The following BRSK2 variants were observed in gnomAD, a reference collection of about 807,000 sequenced individuals.
BRSK2 encodes serine/threonine-protein kinase BRSK2.
In BRSK2, 19 loss-of-function variants were observed where a neutral mutation model predicts 83.3. The ratio of observed to expected loss-of-function variants is 0.23; its 90% CI spans 0.16 to 0.33. The LOEUF is 0.33. Ranked by LOEUF, BRSK2 falls within the 10% of genes least tolerant of loss-of-function variation. The pLI is 1.00. For synonymous variants in BRSK2, 519 were observed against 435.4 expected, an observed-to-expected ratio of 1.19 and a Z score of -2.39; for missense variants, 798 against 1,042.3, an observed-to-expected ratio of 0.77 and a Z score of 3.23.
intron 1 of BRSK2, among the ~76,000 whole-genome samples, chr11:1,426,411 A>G (rs193002093): frequency 6.6e-6 from 1 of 152,196 alleles, no homozygotes; most frequent in Non-Finnish European, 1.5e-5. Flanking sequence ...AGAGGCTTGA[A>G]CTGTCACTTT....
Position 1,436,133 on chromosome 11 carries a change from A to T in BRSK2, c.185A>T (p.Lys62Met). The part of the protein sequence containing the change: ...REKLSESVLM[K>M]VEREIAILKL... ...AAGCTCAGCGAGTCGGTGCTGATGA[A>T]GGTGGGTGGGGCCGGGGAGGGAGGC... is the stretch of plus-strand genomic sequence containing the variant. Residue 62 changes from lysine (K) to methionine (M), a missense_variant and splice_region_variant, in exon 2 of 20, where the codon AAG becomes ATG. By Grantham distance (95) the Lys-to-Met change is moderately conservative (BLOSUM62 -1). Coordinates refer to ENST00000528841, the MANE Select transcript of BRSK2 (RefSeq NM_001256627.2). 1.3e-6 allele frequency: 1 copy of T among 786,258 alleles called. No homozygotes were observed. The highest frequency in any genetic ancestry group is 1.6e-6 in the Non-Finnish European group (1 of 615,866). The allele number at this position is 786,258 out of a possible 1,614,324, so 48.7% of individuals were successfully genotyped here. A position where few individuals can be genotyped will look rare whatever the true frequency, so the allele number is the denominator to read the frequency against.
In BRSK2 at chr11:1,433,529, G is replaced by A. The variant is rs564496270; in HGVS notation, c.92-2511G>A. Among the ~76,000 whole-genome samples, 279 of 152,374 alleles carry A rather than the reference G, an allele frequency of 1.8e-3. 1 individual carries two copies. The highest frequency in any genetic ancestry group is 3.7e-3 in the Admixed American group (57 of 15,308). On this transcript the variant is annotated intron_variant, in intron 1 of 19. Coordinates refer to ENST00000528841, the MANE Select transcript of BRSK2 (RefSeq NM_001256627.2). ...CCTTCGGACCAGAGGCTTTTGTCAC[G>A]GACCACGCCTTAGCCTTGCAGCCAG...
chr11:1,444,032 G>C (rs1053832688), intron 8 of BRSK2, among the ~76,000 whole-genome samples: 2 of 152,098 alleles, frequency 1.3e-5, no homozygotes, highest in Admixed American at 6.5e-5. Context: ...GCATGTGCAC[G>C]TGTGGGGAGG....
At chr11:1,409,134 C>G (rs766173495) in intron 1 of BRSK2, among the ~76,000 whole-genome samples, 3 of 152,300 alleles carry the variant, frequency 2.0e-5, no homozygotes, top group Non-Finnish European at 4.4e-5. Context: ...GAGGCATGGG[C>G]CTGGCTTTCC....
At chr11:1,459,458 C>T (rs1337534275) in intron 19 of BRSK2, 8 of 587,842 alleles carry the variant, frequency 1.4e-5, no homozygotes, top group Middle Eastern at 4.5e-4. Context: ...GCCAGACTCA[C>T]CTCTGCCAGG....
At chr11:1,417,039 A>G (rs939417812) in intron 1 of BRSK2, among the ~76,000 whole-genome samples, 1 of 152,124 alleles carries the variant, frequency 6.6e-6, no homozygotes, top group African/African-American at 2.4e-5. Context: ...GGCACCTGTA[A>G]TCCCAGCCAC....
At chr11:1,401,592 C>T (rs996937644) in intron 1 of BRSK2, among the ~76,000 whole-genome samples, 9 of 152,246 alleles carry the variant, frequency 5.9e-5, no homozygotes, top group African/African-American at 2.2e-4. Flanking sequence ...TGCCAACCGC[C>T]GGTGCAGCCT....
chr11:1,448,233 T>C (rs990517063), intron 12 of BRSK2, among the ~76,000 whole-genome samples: 1 of 152,158 alleles, frequency 6.6e-6, no homozygotes, highest in African/African-American at 2.4e-5. Flanking sequence ...GCAGCCGTCC[T>C]GTGCCCACCT....
chr11:1,451,094 C>G lies in BRSK2; in HGVS notation c.1496-277C>G, dbSNP rs376832882. 1.9e-3 allele frequency among the ~76,000 whole-genome samples: 294 copies of G among 152,340 alleles called. 3 individuals carry two copies. Among genetic ancestry groups the G allele is most frequent in the African/African-American group, 6.7e-3 (277 of 41,560 alleles). On this transcript the variant is annotated intron_variant, in intron 14 of 19. Transcript: ENST00000528841. ...AGGGGGCACTGCCAGTCAGGAGGCC[C>G]CATGTGTGGGGCACCAAGGGCCAGC...
intron 12 of BRSK2, among the ~76,000 whole-genome samples, 169 bp downstream of exon 12, chr11:1,446,076 G>GGA (rs1852034242): frequency 9.4e-6 from 1 of 106,332 alleles, no homozygotes; most frequent in African/African-American, 3.8e-5. Flanking sequence ...GGCTTGGCTG[G>GGA]GCTGGGCTGG....
intron 1 of BRSK2, among the ~76,000 whole-genome samples, chr11:1,413,785 T>C (rs1481120670): frequency 6.6e-6 from 1 of 152,122 alleles, no homozygotes; most frequent in Non-Finnish European, 1.5e-5. Flanking sequence ...CATCAGCCCC[T>C]CCTGCCATCT....
intron 1 of BRSK2, among the ~76,000 whole-genome samples, chr11:1,393,563 G>A (rs916749302): frequency 6.6e-6 from 1 of 152,196 alleles, no homozygotes; most frequent in African/African-American, 2.4e-5. Context: ...GCTGTGGCGT[G>A]GGGGAGGGAC....
At chr11:1,441,028 G>T in intron 4 of BRSK2, 100 bp downstream of exon 4, 1 of 1,038,684 alleles carries the variant, frequency 9.6e-7, no homozygotes, top group East Asian at 2.6e-5. Flanking sequence ...ACCCCCTATG[G>T]TGCTATTCCG....
At chr11:1,404,410 C>T (rs1041826579) in intron 1 of BRSK2, among the ~76,000 whole-genome samples, 9 of 152,198 alleles carry the variant, frequency 5.9e-5, no homozygotes, top group African/African-American at 2.2e-4. Flanking sequence ...CCTCAGCCTC[C>T]CAGGACAGAC....
chr11:1,395,139 C>A (rs1156869408), intron 1 of BRSK2, among the ~76,000 whole-genome samples: 1 of 152,212 alleles, frequency 6.6e-6, no homozygotes, highest in Non-Finnish European at 1.5e-5. Flanking sequence ...GTGGCCTTCC[C>A]CACATCAGGC....
chr11:1,429,178 G>T (rs868094013), intron 1 of BRSK2, among the ~76,000 whole-genome samples: 3 of 149,356 alleles, frequency 2.0e-5, no homozygotes, highest in Admixed American at 1.3e-4. Context: ...GTGTGTCCTG[G>T]GTGCATGCGC....
chr11:1,436,313 C>G (rs1374269316), intron 2 of BRSK2, among the ~76,000 whole-genome samples, 179 bp downstream of exon 2: 4 of 152,078 alleles, frequency 2.6e-5, no homozygotes, highest in South Asian at 4.1e-4. Flanking sequence ...TTTGCTCTTG[C>G]TCCTCCCTCC....
At chr11:1,448,516 C>T (rs374519589) in intron 12 of BRSK2, among the ~76,000 whole-genome samples, 21 of 152,198 alleles carry the variant, frequency 1.4e-4, no homozygotes, top group East Asian at 1.9e-4. Flanking sequence ...GCTGCCTGGC[C>T]GGATAGGACC....
At chr11:1,437,312 C>T (rs549086628) in intron 2 of BRSK2, among the ~76,000 whole-genome samples, 1 of 152,148 alleles carries the variant, frequency 6.6e-6, no homozygotes, top group African/African-American at 2.4e-5. Context: ...GGGCTGGGAC[C>T]CCATCACAAG....
Sources: allele counts gnomAD v4.1 joint callset (sites outside exome capture counted in the v4.1 genomes callset), GRCh38; gene constraint gnomAD v4.1.1; transcripts MANE v1.5; gene names NCBI Gene and HGNC (gene_info 2026-07-23, HGNC 2026-07-21).